The following XKR4 variants were observed in gnomAD, a reference collection of about 807,000 sequenced individuals.
The protein encoded by XKR4 is XK-related protein 4.
In XKR4, 12 loss-of-function variants were observed where a neutral mutation model predicts 53.9. The observed-to-expected ratio is 0.22, with a 90% confidence interval of 0.14 to 0.36. The LOEUF (loss-of-function observed/expected upper bound fraction) is 0.36. XKR4 is among the 10% of genes least tolerant of loss of function. The pLI, the probability that XKR4 is intolerant of heterozygous loss-of-function variation, is 1.00. For synonymous variants in XKR4, 354 were observed against 362.4 expected, an observed-to-expected ratio of 0.98 and a Z score of 0.26; for missense variants, 799 against 859.5, an observed-to-expected ratio of 0.93 and a Z score of 0.88.
chr8:55,519,750 T>C (rs1052558505), intron 2 of XKR4, among the ~76,000 whole-genome samples: 3 of 152,170 alleles, frequency 2.0e-5, no homozygotes, highest in African/African-American at 7.2e-5. Context: ...TTGATAACTT[T>C]ATGTGGTTAT....
chr8:55,276,939 G>T (rs541762484), intron 1 of XKR4, among the ~76,000 whole-genome samples: 1 of 152,262 alleles, frequency 6.6e-6, no homozygotes, highest in South Asian at 2.1e-4. Context: ...GCAAACTGTG[G>T]TTGTGTCATG....
chr8:55,436,862 G>A (rs576971207), intron 2 of XKR4, among the ~76,000 whole-genome samples: 12 of 152,282 alleles, frequency 7.9e-5, no homozygotes, highest in South Asian at 4.1e-4. Flanking sequence ...CAGAGGGCCC[G>A]GTAGCTGGTT....
intron 2 of XKR4, among the ~76,000 whole-genome samples, chr8:55,473,517 C>T (rs1805923489): frequency 6.6e-6 from 1 of 152,084 alleles, no homozygotes; most frequent in South Asian, 2.1e-4. Flanking sequence ...ATTGGTATAG[C>T]TGAGCTTTAA....
chr8:55,479,078 C>A (rs554799522), intron 2 of XKR4, among the ~76,000 whole-genome samples: 52 of 152,168 alleles, frequency 3.4e-4, no homozygotes, highest in African/African-American at 1.2e-3. Context: ...ACTCTCCACC[C>A]CAAATCAACA....
intron 2 of XKR4, among the ~76,000 whole-genome samples, chr8:55,437,542 A>T (rs752122178): frequency 1.8e-4 from 28 of 152,204 alleles, no homozygotes; most frequent in Non-Finnish European, 3.7e-4. Context: ...CTGTGGTTAA[A>T]AACCTCACCA....
intron 2 of XKR4, among the ~76,000 whole-genome samples, chr8:55,504,276 G>A (rs60183369): frequency 6.4e-4 from 97 of 151,800 alleles, no homozygotes; most frequent in Non-Finnish European, 1.0e-3. Flanking sequence ...GCAGTGATGC[G>A]ATCTCAGCTC....
intron 1 of XKR4, among the ~76,000 whole-genome samples, chr8:55,311,262 A>G (rs1307653204): frequency 6.6e-6 from 1 of 152,236 alleles, no homozygotes; most frequent in African/African-American, 2.4e-5. Flanking sequence ...TCACAGTGTC[A>G]TGGGGAAACA....
At chr8:55,291,830 T>C (rs1819025338) in intron 1 of XKR4, among the ~76,000 whole-genome samples, 1 of 152,162 alleles carries the variant, frequency 6.6e-6, no homozygotes, top group African/African-American at 2.4e-5. Flanking sequence ...TTGTAGATAC[T>C]CCTTATCAAG....
At chr8:55,201,944 G>A (rs1817581243) in intron 1 of XKR4, among the ~76,000 whole-genome samples, 1 of 152,148 alleles carries the variant, frequency 6.6e-6, no homozygotes, top group African/African-American at 2.4e-5. Flanking sequence ...CTATTAAAAA[G>A]GAGTGTCTTT....
chr8:55,472,176 T>C (rs1805895780), intron 2 of XKR4, among the ~76,000 whole-genome samples: 1 of 152,212 alleles, frequency 6.6e-6, no homozygotes, highest in African/African-American at 2.4e-5. Context: ...GGGATAAAGA[T>C]ACAGTTTTAG....
intron 2 of XKR4, among the ~76,000 whole-genome samples, chr8:55,494,744 G>T (rs936989249): frequency 1.3e-5 from 2 of 152,162 alleles, no homozygotes; most frequent in African/African-American, 4.8e-5. Flanking sequence ...CTCTCTTTGA[G>T]TCTGGCTGAG....
intron 2 of XKR4, among the ~76,000 whole-genome samples, chr8:55,410,316 A>G (rs1804757099): frequency 6.6e-6 from 1 of 152,076 alleles, no homozygotes; most frequent in African/African-American, 2.4e-5. Flanking sequence ...TGGCTTTCCA[A>G]GCATGTCTGC....
intron 1 of XKR4, among the ~76,000 whole-genome samples, chr8:55,332,878 A>T (rs1322070007): frequency 6.7e-6 from 1 of 148,342 alleles, no homozygotes; most frequent in African/African-American, 2.5e-5. Flanking sequence ...AGTTTGCTTG[A>T]TGATGTCTCA....
chr8:55,263,124 C>A (rs951391820), intron 1 of XKR4, among the ~76,000 whole-genome samples: 1 of 152,118 alleles, frequency 6.6e-6, no homozygotes, highest in Non-Finnish European at 1.5e-5. Context: ...AGTCTTGCCC[C>A]TTTAGTCCAT....
Position 55,349,193 on chromosome 8 carries a change from A to G in XKR4, c.807-8485A>G, listed in dbSNP as rs1406584636. Among the ~76,000 whole-genome samples, 4 of 152,224 alleles carry G rather than the reference A, an allele frequency of 2.6e-5. No individual in the cohort carries two copies. In the South Asian group the frequency reaches 8.3e-4, roughly 32 times the overall value. ...CAGGATGGAAACCTAAAGTTTAGAAATTAGAAAGTAATTCCCCAGAGTTCT... is the reference window on the plus strand; with the variant it reads ...CAGGATGGAAACCTAAAGTTTAGAAGTTAGAAAGTAATTCCCCAGAGTTCT... On this transcript the variant is annotated intron_variant, in intron 1 of 2. Coordinates refer to ENST00000327381, the MANE Select transcript of XKR4 (RefSeq NM_052898.2).
intron 2 of XKR4, chr8:55,450,198 C>G (rs1460521674): frequency 1.5e-6 from 1 of 658,384 alleles, no homozygotes; most frequent in Non-Finnish European, 2.8e-6. Context: ...GGTAGCAGGG[C>G]CACACCACAC....
Position 55,537,450 on chromosome 8 carries a change from C to T in XKR4, c.*13223C>T, listed in dbSNP as rs1307413071. On this transcript the variant is annotated 3_prime_UTR_variant, in exon 3 of 3. Coordinates refer to ENST00000327381, the MANE Select transcript of XKR4 (RefSeq NM_052898.2). ...ATGGTCCTGAAGCTTAGCAGAAAAA[C>T]AGACAAGCTATTCAGACCAGTTTTC... The T allele has an allele frequency of 2.6e-5, 4 of 152,194 alleles. No homozygotes were observed. The highest frequency in any genetic ancestry group is 9.7e-5 in the African/African-American group (4 of 41,440). 9.4% of individuals were successfully genotyped at this position (152,194 alleles called of 1,614,324 possible).
intron 2 of XKR4, among the ~76,000 whole-genome samples, chr8:55,407,631 G>T (rs762523941): frequency 1.3e-4 from 20 of 152,212 alleles, no homozygotes; most frequent in Non-Finnish European, 2.5e-4. Flanking sequence ...CTGACACCCG[G>T]GGAAGTCTCT....
intron 2 of XKR4, among the ~76,000 whole-genome samples, chr8:55,419,963 C>A (rs897508844): frequency 6.6e-6 from 1 of 152,182 alleles, no homozygotes; most frequent in African/African-American, 2.4e-5. Context: ...AGGACTTTGA[C>A]GTTAACAGTG....
Sources: allele counts gnomAD v4.1 joint callset (sites outside exome capture counted in the v4.1 genomes callset), GRCh38; gene constraint gnomAD v4.1.1; transcripts MANE v1.5; gene names NCBI Gene and HGNC (gene_info 2026-07-23, HGNC 2026-07-21).